Variants in NOL4 observed in about 807,000 individuals in gnomAD.
The protein encoded by NOL4 is nucleolar protein 4.
NOL4 carries 17 observed loss-of-function variants against 75.9 expected under a neutral mutation model. The ratio of observed to expected loss-of-function variants is 0.22; its 90% CI spans 0.15 to 0.34. NOL4 has a LOEUF of 0.34. Ranked by LOEUF, NOL4 falls within the 10% of genes least tolerant of loss-of-function variation. The pLI, the probability that NOL4 is intolerant of heterozygous loss-of-function variation, is 1.00. For synonymous variants in NOL4, 292 were observed against 289.9 expected, an observed-to-expected ratio of 1.01 and a Z score of -0.07; for missense variants, 614 against 793.5, an observed-to-expected ratio of 0.77 and a Z score of 2.72.
At chr18:34,148,411 G>A (rs2146062970) in intron 1 of NOL4, among the ~76,000 whole-genome samples, 1 of 152,136 alleles carries the variant, frequency 6.6e-6, no homozygotes, top group South Asian at 2.1e-4. Flanking sequence ...CTGGGACATT[G>A]TGTTTCTGTT....
chr18:33,943,287 C>A, intron 8 of NOL4, 109 bp from the exon 9 acceptor site: 1 of 667,684 alleles, frequency 1.5e-6, no homozygotes, highest in Non-Finnish European at 2.6e-6. Flanking sequence ...CAGGAATATC[C>A]ATTTATTTCA....
At chr18:34,103,400 T>C (rs1279968011) in intron 4 of NOL4, among the ~76,000 whole-genome samples, 1 of 152,014 alleles carries the variant, frequency 6.6e-6, no homozygotes, top group Admixed American at 6.6e-5. Context: ...CTAACTAGAA[T>C]CCTACAGAGT....
chr18:34,215,921 T>G (rs565009819), intron 1 of NOL4, among the ~76,000 whole-genome samples: 1 of 152,222 alleles, frequency 6.6e-6, no homozygotes, highest in Admixed American at 6.5e-5. Flanking sequence ...ATTCATGGCA[T>G]ATATTTTTCT....
intron 1 of NOL4, among the ~76,000 whole-genome samples, chr18:34,141,393 A>G (rs891385176): frequency 9.2e-5 from 14 of 152,332 alleles, no homozygotes; most frequent in African/African-American, 1.7e-4. Flanking sequence ...CTAAGCCAAA[A>G]GAACAAAGCT....
At chr18:33,909,834 T>TA (rs534625275) in intron 9 of NOL4, among the ~76,000 whole-genome samples, 89 of 144,942 alleles carry the variant, frequency 6.1e-4, no homozygotes, top group South Asian at 1.7e-3. Flanking sequence ...ATAAAATATA[T>TA]AAAAAAAAAA....
At chr18:33,994,319 T>C (rs1259051276) in intron 6 of NOL4, among the ~76,000 whole-genome samples, 1 of 151,790 alleles carries the variant, frequency 6.6e-6, no homozygotes, top group African/African-American at 2.4e-5. Flanking sequence ...CTAATGGACA[T>C]TGATAGAACA....
intron 4 of NOL4, among the ~76,000 whole-genome samples, chr18:34,098,064 A>G (rs531723507): frequency 6.6e-6 from 1 of 152,136 alleles, no homozygotes; most frequent in East Asian, 1.9e-4. Context: ...TTTTTTATGG[A>G]TATTGACCAT....
chr18:33,872,528 T>C (rs2063748310), intron 10 of NOL4, among the ~76,000 whole-genome samples: 1 of 152,098 alleles, frequency 6.6e-6, no homozygotes, highest in South Asian at 2.1e-4. Context: ...GGAATAGACA[T>C]AGAAAAGGTA....
rs2081436488 is a variant in NOL4 at position 34,147,188 on chromosome 18, T to C, written c.265-17168A>G. Among the ~76,000 whole-genome samples, 4 of 152,248 alleles carry C rather than the reference T, an allele frequency of 2.6e-5. No individual in the cohort carries two copies. In the South Asian group the frequency reaches 8.3e-4, roughly 32 times the overall value. On this transcript the variant is annotated intron_variant, in intron 1 of 10. Coordinates refer to ENST00000261592, the MANE Select transcript of NOL4 (RefSeq NM_003787.5). Reference sequence around the variant, plus strand: ...AACATAGACGATTTGACTTTCTCTCTTCCTATTTGAATACCCTTTATTTAT... The same window carrying C: ...AACATAGACGATTTGACTTTCTCTCCTCCTATTTGAATACCCTTTATTTAT...
chr18:34,179,221 C>A (rs2033824731), intron 1 of NOL4, among the ~76,000 whole-genome samples: 1 of 151,216 alleles, frequency 6.6e-6, no homozygotes, highest in Non-Finnish European at 1.5e-5. Flanking sequence ...CTGTAAATGC[C>A]TGCATTTAAA....
chr18:34,203,805 C>A (rs1280321574), intron 1 of NOL4, among the ~76,000 whole-genome samples: 3 of 150,194 alleles, frequency 2.0e-5, no homozygotes, highest in Non-Finnish European at 4.4e-5. Context: ...TCAACCCCAG[C>A]AAGTGGCCTT....
At chr18:33,974,403 A>G (rs369125937) in intron 6 of NOL4, among the ~76,000 whole-genome samples, 1 of 152,186 alleles carries the variant, frequency 6.6e-6, no homozygotes, top group African/African-American at 2.4e-5. Context: ...TTGCTTTCTT[A>G]TTATTCATGT....
intron 5 of NOL4, among the ~76,000 whole-genome samples, chr18:34,066,777 TTTCTA>T (rs1252181071): frequency 6.6e-6 from 1 of 151,790 alleles, no homozygotes; most frequent in African/African-American, 2.4e-5. Flanking sequence ...GTGTTGGCTT[TTTCTA>T]TTCTATCTCT....
At chr18:34,129,846 C>CA (rs1555733399) in intron 2 of NOL4, 25 bp downstream of exon 2, 6 of 1,350,512 alleles carry the variant, frequency 4.4e-6, no homozygotes, top group Non-Finnish European at 6.0e-6. Context: ...AATGCATGCT[C>CA]TTTTTTTTTT....
chr18:34,036,146 C>A (rs2075885756), intron 5 of NOL4, among the ~76,000 whole-genome samples: 1 of 151,940 alleles, frequency 6.6e-6, no homozygotes, highest in East Asian at 1.9e-4. Context: ...ACCCTGATAC[C>A]AAAACCAGAC....
intron 9 of NOL4, among the ~76,000 whole-genome samples, chr18:33,927,575 A>G (rs187794697): frequency 4.3e-4 from 65 of 152,330 alleles, no homozygotes; most frequent in Non-Finnish European, 2.9e-5. Context: ...GACGACACTG[A>G]TAACACAGCA....
chr18:34,206,084 T>A (rs2036103518), intron 1 of NOL4, among the ~76,000 whole-genome samples: 1 of 152,200 alleles, frequency 6.6e-6, no homozygotes, highest in South Asian at 2.1e-4. Context: ...TCTTTGAATT[T>A]CTTCTTTCAC....
chr18:34,102,810 A>G (rs748058900), intron 4 of NOL4, among the ~76,000 whole-genome samples: 2 of 151,312 alleles, frequency 1.3e-5, no homozygotes, highest in African/African-American at 4.8e-5. Flanking sequence ...GTTTTTTTTT[A>G]TCATTCTCAG....
chr18:34,152,835 G>T (rs1043243985), intron 1 of NOL4, among the ~76,000 whole-genome samples: 1 of 151,816 alleles, frequency 6.6e-6, no homozygotes, highest in African/African-American at 2.4e-5. Context: ...GAAGTACTTA[G>T]ACAAAAGAAA....
Sources: allele counts gnomAD v4.1 joint callset (sites outside exome capture counted in the v4.1 genomes callset), GRCh38; gene constraint gnomAD v4.1.1; transcripts MANE v1.5; gene names NCBI Gene and HGNC (gene_info 2026-07-23, HGNC 2026-07-21).